ELF2: variants seen among roughly 807,000 people sequenced by gnomAD.
The protein encoded by ELF2 is E74 like ETS transcription factor 2.
In ELF2, 11 loss-of-function variants were observed where a neutral mutation model predicts 54.8. The observed-to-expected ratio is 0.20, with a 90% CI of 0.13 to 0.33. The LOEUF (loss-of-function observed/expected upper bound fraction) is 0.33, where lower values mean the gene tolerates loss of function less well. ELF2 is among the 10% of genes least tolerant of loss of function. The pLI, the probability that ELF2 is intolerant of heterozygous loss-of-function variation, is 1.00. For missense variants in ELF2, 513 were observed against 703.0 expected (o/e 0.73, Z 3.06); for synonymous variants, 203 against 245.1 (o/e 0.83, Z 1.61).
Position 139,091,210 on chromosome 4 carries a change from G to A in ELF2, c.239-17643C>T, listed in dbSNP as rs559551700. Among the ~76,000 whole-genome samples the A allele has an allele frequency of 1.2e-4, 18 of 152,302 alleles. No homozygotes were observed. In the East Asian group the frequency reaches 2.3e-3, roughly 20 times the overall value. On this transcript the variant is annotated intron_variant, in intron 4 of 9. Transcript: ENST00000686138. ...CTCCCAAAATATTGGGATTAAAGGC[G>A]TGAGCCACCTCACCCGACCTTCTTA...
intron 4 of ELF2, among the ~76,000 whole-genome samples, chr4:139,077,335 A>C (rs1346022216): frequency 2.0e-5 from 3 of 152,204 alleles, no homozygotes. Flanking sequence ...GAGAGCATTA[A>C]ATGGAAGATA....
intron 4 of ELF2, among the ~76,000 whole-genome samples, chr4:139,093,866 T>C (rs1366244784): frequency 6.6e-6 from 1 of 151,838 alleles, no homozygotes; most frequent in Non-Finnish European, 1.5e-5. Context: ...AATATCACTT[T>C]CACATAATAC....
intron 4 of ELF2, among the ~76,000 whole-genome samples, chr4:139,092,091 G>A (rs1732653588): frequency 6.6e-6 from 1 of 151,686 alleles, no homozygotes; most frequent in South Asian, 2.1e-4. Context: ...GCCGGGTGTG[G>A]TGGCTCACCC....
chr4:139,116,737 C>T (rs897380360), intron 4 of ELF2: 6 of 985,328 alleles, frequency 6.1e-6, no homozygotes, highest in South Asian at 4.7e-5. Flanking sequence ...TTTTTCATGT[C>T]GATCTTCTAC....
chr4:139,138,519 A>G (rs1035416442), intron 2 of ELF2, among the ~76,000 whole-genome samples: 1 of 152,222 alleles, frequency 6.6e-6, no homozygotes, highest in African/African-American at 2.4e-5. Context: ...TTCATTTAAT[A>G]TATAAAATGT....
intron 1 of ELF2, among the ~76,000 whole-genome samples, chr4:139,141,731 G>T (rs555397851): frequency 1.3e-5 from 2 of 152,254 alleles, no homozygotes; most frequent in Admixed American, 1.3e-4. Context: ...TGAAGTCTTA[G>T]GACAGTGCTG....
intron 4 of ELF2, among the ~76,000 whole-genome samples, chr4:139,099,077 G>A (rs1733606543): frequency 6.6e-6 from 1 of 152,120 alleles, no homozygotes; most frequent in African/African-American, 2.4e-5. Context: ...TAAAATAAAT[G>A]TCCCTCTTTT....
chr4:139,172,267 T>C (rs943473912), intron 1 of ELF2, among the ~76,000 whole-genome samples: 7 of 152,220 alleles, frequency 4.6e-5, no homozygotes, highest in Admixed American at 4.6e-4. Context: ...TCCCCTTACC[T>C]ACAGCTTTAC....
At chr4:139,104,576 GT>G (rs1163026941) in intron 4 of ELF2, among the ~76,000 whole-genome samples, 5 of 150,592 alleles carry the variant, frequency 3.3e-5, no homozygotes, top group Non-Finnish European at 7.4e-5. Flanking sequence ...AAAAGTCATA[GT>G]TAGTCCTACT....
intron 1 of ELF2, among the ~76,000 whole-genome samples, chr4:139,148,884 C>A (rs1739551572): frequency 6.6e-6 from 1 of 152,200 alleles, no homozygotes; most frequent in Non-Finnish European, 1.5e-5. Context: ...CATATCCTCA[C>A]CAACAAAATG....
intron 4 of ELF2, among the ~76,000 whole-genome samples, chr4:139,090,340 C>A (rs1732440516): frequency 1.3e-5 from 2 of 152,146 alleles, no homozygotes; most frequent in Admixed American, 1.3e-4. Flanking sequence ...TATAAGCTGA[C>A]TTTTTAAATT....
intron 4 of ELF2, among the ~76,000 whole-genome samples, chr4:139,106,054 T>C (rs1430638511): frequency 7.2e-5 from 11 of 152,202 alleles, no homozygotes; most frequent in Admixed American, 6.5e-4. Flanking sequence ...TATGTATGCT[T>C]AAGTTTAAGA....
At position 139,058,407 on chromosome 4, in the gene ELF2, G is replaced by GTATATATATATATATATATATATA. The variant is rs113800639; in HGVS notation, c.*552_*575dup. 7.0e-6 allele frequency: 1 copy of GTATATATATATATATATATATATA among 142,160 alleles called. No individual in the cohort carries two copies. Among genetic ancestry groups the GTATATATATATATATATATATATA allele is most frequent in the African/African-American group, 2.6e-5 (1 of 38,824 alleles). The allele number at this position is 142,160 out of a possible 1,614,324, so 8.8% of individuals were successfully genotyped here. Reference sequence around the variant, plus strand: ...AGCTATATGATATATATATATGTATGTATATATATATATATATATATATAA... The same window carrying GTATATATATATATATATATATATA: ...AGCTATATGATATATATATATGTATGTATATATATATATATATATATATATATATATATATATATATATATATAA... On this transcript the variant is annotated 3_prime_UTR_variant, in exon 10 of 10. Coordinates refer to ENST00000686138, the MANE Select transcript of ELF2 (RefSeq NM_001331036.3).
chr4:139,091,926 C>CAT (rs949215234), intron 4 of ELF2, among the ~76,000 whole-genome samples: 2 of 148,742 alleles, frequency 1.3e-5, no homozygotes, highest in African/African-American at 4.9e-5. Context: ...TATATACACA[C>CAT]ATATATATAC....
intron 4 of ELF2, among the ~76,000 whole-genome samples, chr4:139,075,321 T>C (rs368588787): frequency 6.6e-6 from 1 of 152,258 alleles, no homozygotes; most frequent in African/African-American, 2.4e-5. Context: ...TAATTTCTTA[T>C]CATTCCTGTA....
intron 6 of ELF2, among the ~76,000 whole-genome samples, chr4:139,069,029 C>T (rs1729138570): frequency 6.6e-6 from 1 of 152,030 alleles, no homozygotes; most frequent in African/African-American, 2.4e-5. Flanking sequence ...ACCACCACGT[C>T]CAGCTAATTT....
intron 1 of ELF2, among the ~76,000 whole-genome samples, chr4:139,152,300 G>T (rs1740080683): frequency 6.6e-6 from 1 of 151,646 alleles, no homozygotes; most frequent in Non-Finnish European, 1.5e-5. Flanking sequence ...GTATTATCGT[G>T]ACACTGAATG....
intron 4 of ELF2, among the ~76,000 whole-genome samples, chr4:139,119,044 C>T (rs190753343): frequency 6.6e-6 from 1 of 152,298 alleles, no homozygotes; most frequent in East Asian, 1.9e-4. Flanking sequence ...CAAAACAAAA[C>T]TCAGAAATAG....
rs561581173 is a variant in ELF2, at chr4:139,144,551, T to C, written c.-251-5054A>G. Among the ~76,000 whole-genome samples the C allele has an allele frequency of 4.3e-3, 653 of 152,196 alleles. 5 individuals carry two copies. The highest frequency in any genetic ancestry group is 0.021 in the South Asian group (99 of 4,822). ...TAAGCTGTAACCACAGACACAGAAG[T>C]TGGGTGCTCTGGCATTGCCAGTGGA... On this transcript the variant is annotated intron_variant, in intron 1 of 9. Coordinates refer to ENST00000686138, the MANE Select transcript of ELF2 (RefSeq NM_001331036.3).
Sources: gnomAD v4.1 joint callset for allele counts (sites outside exome capture counted in the v4.1 genomes callset) on GRCh38, gnomAD v4.1.1 for gene constraint, MANE v1.5 for transcripts, NCBI Gene and HGNC (gene_info 2026-07-23, HGNC 2026-07-21) for gene names.